PPP1R2: variants seen among roughly 807,000 people sequenced by gnomAD.
The protein encoded by PPP1R2 is protein phosphatase 1 regulatory inhibitor subunit 2.
In PPP1R2, 16 loss-of-function variants were observed where a neutral mutation model predicts 29.9. The observed-to-expected ratio is 0.53, with a 90% CI of 0.36 to 0.81. The LOEUF (loss-of-function observed/expected upper bound fraction) is 0.81. Ranked by LOEUF, PPP1R2 falls within the 30% of genes least tolerant of loss-of-function variation. PPP1R2 has a pLI of 0.00. For synonymous variants in PPP1R2, 76 were observed against 91.5 expected, an observed-to-expected ratio of 0.83 and a Z score of 0.96; for missense variants, 197 against 252.7, an observed-to-expected ratio of 0.78 and a Z score of 1.49.
chr3:195,523,666 T>C (rs950288636), intron 4 of PPP1R2, 26 bp downstream of exon 4: 2 of 1,570,284 alleles, frequency 1.3e-6, no homozygotes, highest in African/African-American at 1.4e-5. Flanking sequence ...AGCACCATGA[T>C]GAAAGCAGTA....
intron 1 of PPP1R2, among the ~76,000 whole-genome samples, chr3:195,532,116 G>A (rs752397203): frequency 2.0e-5 from 3 of 151,704 alleles, no homozygotes; most frequent in East Asian, 1.9e-4. Flanking sequence ...CTGCAGTCTC[G>A]AACTCCTGGA....
Position 195,523,730 on chromosome 3 carries a change from C to A in PPP1R2, c.365G>T (p.Ser122Ile). ...TGAGAGGTCACTATCCTCCTCTCCA[C>A]TGCTTTCTTGTTCCTGAATCCGATA... is the stretch of plus-strand genomic sequence containing the variant. ...PKYRIQEQES[S>I]GEEDSDLSPE... The change falls in exon 4 of 6, where the codon AGT (serine) becomes ATT (isoleucine). Residue 122 changes from serine (S) to isoleucine (I), a missense_variant. Physicochemically the swap from Ser to Ile is moderately radical, Grantham distance 142. This residue lies in a region of PPP1R2 where 135 missense variants were observed against 163.0 expected (regional missense o/e 0.83). Coordinates refer to ENST00000618156, the MANE Select transcript of PPP1R2 (RefSeq NM_006241.8). 1.2e-6 allele frequency: 2 copies of A among 1,614,180 alleles called. No individual in the cohort carries two copies. Among genetic ancestry groups the A allele is most frequent in the Non-Finnish European group, 1.7e-6 (2 of 1,180,034 alleles).
intron 5 of PPP1R2, 121 bp from the exon 6 acceptor site, chr3:195,517,063 A>T: frequency 1.3e-6 from 1 of 750,334 alleles, no homozygotes. Flanking sequence ...AATAAGGTAT[A>T]TTTCATGTAG....
chr3:195,521,878 T>C (rs892727460), intron 4 of PPP1R2, among the ~76,000 whole-genome samples: 5 of 152,122 alleles, frequency 3.3e-5, no homozygotes, highest in African/African-American at 1.2e-4. Context: ...CTCAAACTCC[T>C]GGCCTCAAGA....
rs1020763156 is a variant in PPP1R2, at chr3:195,516,857, T to C, written c.*39A>G. 4.4e-6 allele frequency: 7 copies of C among 1,576,056 alleles called. No individual in the cohort carries two copies. The Admixed American group carries it at 8.4e-5, about 19-fold the overall frequency. ...AGCAACGTACTATAGTCACAGGGTT[T>C]ACATCTAACAAACAATTGCAGTGTT... On this transcript the variant is annotated 3_prime_UTR_variant, in exon 6 of 6. Transcript: ENST00000618156.
At chr3:195,527,297 A>C (rs1267585405) in intron 2 of PPP1R2, among the ~76,000 whole-genome samples, 2 of 151,632 alleles carry the variant, frequency 1.3e-5, no homozygotes, top group Non-Finnish European at 2.9e-5. Flanking sequence ...TAAAAATACA[A>C]AAACTAGCCA....
At chr3:195,536,400 A>C (rs1467854376) in intron 1 of PPP1R2, among the ~76,000 whole-genome samples, 2 of 152,118 alleles carry the variant, frequency 1.3e-5, no homozygotes, top group African/African-American at 4.8e-5. Flanking sequence ...ATTTATACTT[A>C]ATATGCTTTT....
rs1719674655 is a variant in PPP1R2, at chr3:195,543,225, T to G, written c.-200A>C. ...GACGCCAGAGCCAACGCCGAACGGG[T>G]GGCGGCTACTCGCGCACCCTTAGCC... On this transcript the variant is annotated 5_prime_UTR_variant, in exon 1 of 6. Coordinates refer to ENST00000618156, the MANE Select transcript of PPP1R2 (RefSeq NM_006241.8). 1.9e-5 allele frequency: 13 copies of G among 667,546 alleles called. No individual in the cohort carries two copies. In the South Asian group the frequency reaches 2.9e-4, roughly 15 times the overall value. The allele number at this position is 667,546 out of a possible 1,614,324, so 41.4% of individuals were successfully genotyped here.
chr3:195,527,714 AT>A (rs1719023827), intron 2 of PPP1R2: 1 of 167,308 alleles, frequency 6.0e-6, no homozygotes, highest in African/African-American at 2.4e-5. Context: ...TTTAATATAC[AT>A]TTTAGAAGTT....
chr3:195,534,689 G>T (rs1560442648), intron 1 of PPP1R2, among the ~76,000 whole-genome samples: 1 of 151,932 alleles, frequency 6.6e-6, no homozygotes, highest in Non-Finnish European at 1.5e-5. Flanking sequence ...TGCCAATACA[G>T]AACTGCTTTT....
rs1031197886 is a variant in PPP1R2, at chr3:195,515,236, C to G, written c.*1660G>C. ...CCTAGCTGAAATGTTTAGAATACTG[C>G]ACTCACAGTTCAGCAGTACTTTGAT... is the stretch of plus-strand genomic sequence containing the variant. On this transcript the variant is annotated 3_prime_UTR_variant, in exon 6 of 6. Coordinates refer to ENST00000618156, the MANE Select transcript of PPP1R2 (RefSeq NM_006241.8). 6.4e-6 allele frequency: 1 copy of G among 157,270 alleles called. No homozygotes were observed. Among genetic ancestry groups the G allele is most frequent in the African/African-American group, 2.4e-5 (1 of 41,448 alleles). 9.7% of individuals were successfully genotyped at this position (157,270 alleles called of 1,614,324 possible). A position where few individuals can be genotyped will look rare whatever the true frequency, so the allele number is the denominator to read the frequency against.
intron 1 of PPP1R2, among the ~76,000 whole-genome samples, chr3:195,533,888 G>T (rs929067093): frequency 6.6e-6 from 1 of 152,170 alleles, no homozygotes; most frequent in African/African-American, 2.4e-5. Context: ...TAAAGTTGGA[G>T]AATTTAATGC....
intron 4 of PPP1R2, among the ~76,000 whole-genome samples, chr3:195,522,645 T>C (rs373078994): frequency 1.1e-4 from 16 of 152,358 alleles, no homozygotes; most frequent in African/African-American, 3.8e-4. Context: ...TCACTGAAAG[T>C]TGAGATACAA....
rs771799235 is a variant in PPP1R2 at position 195,527,950 on chromosome 3, G to GTT, written c.230+1843_230+1844insAA. On this transcript the variant is annotated intron_variant, in intron 2 of 5. Transcript: ENST00000618156. The stretch of plus-strand genomic sequence containing the variant: ...GAATATAAACCTCTTTTTAGCATGC[G>GTT]TATTTTTTTTTAACTAATTGTAATT... The GTT allele has an allele frequency of 6.4e-6, 2 of 313,020 alleles. 1 individual carries two copies. Among genetic ancestry groups the GTT allele is most frequent in the African/African-American group, 4.5e-5 (2 of 44,376 alleles). The allele number at this position is 313,020 out of a possible 1,614,324, so 19.4% of individuals were successfully genotyped here. A position where few individuals can be genotyped will look rare whatever the true frequency, so the allele number is the denominator to read the frequency against.
intron 4 of PPP1R2, among the ~76,000 whole-genome samples, chr3:195,521,261 G>GCGAAGA: frequency 1.5e-5 from 2 of 130,992 alleles, no homozygotes; most frequent in Middle Eastern, 0.012. Flanking sequence ...GTTGCAGTGA[G>GCGAAGA]CGAAGATCGC....
intron 2 of PPP1R2, 145 bp from the exon 3 acceptor site, chr3:195,525,041 A>C (rs1274145783): frequency 1.9e-5 from 13 of 669,016 alleles, no homozygotes; most frequent in African/African-American, 5.4e-5. Context: ...AACTTTATAT[A>C]GTTCCTATTC....
rs1284214684 is a variant in PPP1R2, at chr3:195,519,920, A to T, written c.404-735T>A. Among the ~76,000 whole-genome samples, 4 of 6,604 alleles carry T rather than the reference A, an allele frequency of 6.1e-4. No homozygotes were observed. In the East Asian group the frequency reaches 0.33, roughly 550 times the overall value. 4.3% of individuals were successfully genotyped at this position (6,604 alleles called of 152,430 possible). A position where few individuals can be genotyped will look rare whatever the true frequency, so the allele number is the denominator to read the frequency against. On this transcript the variant is annotated intron_variant, in intron 4 of 5. Transcript: ENST00000618156. ...TAACTTCCTTAGATCAGAAAATTAA[A>T]AAAAAAAAAAAACAACAGAAAAGGG...
At chr3:195,519,214 A>G in intron 4 of PPP1R2, 29 bp from the exon 5 acceptor site, 2 of 1,526,084 alleles carry the variant, frequency 1.3e-6, no homozygotes, top group Non-Finnish European at 1.8e-6. Context: ...AAACTTAGGA[A>G]GTTTGAGCTC....
At chr3:195,534,326 G>GA (rs1355427257) in intron 1 of PPP1R2, among the ~76,000 whole-genome samples, 2 of 151,926 alleles carry the variant, frequency 1.3e-5, no homozygotes, top group Non-Finnish European at 2.9e-5. Context: ...AGACTGTCCA[G>GA]AAAAAGAAAA....
Sources: allele counts gnomAD v4.1 joint callset (sites outside exome capture counted in the v4.1 genomes callset), GRCh38; gene constraint gnomAD v4.1.1; regional missense constraint gnomAD v4.1.1; transcripts MANE v1.5; gene names NCBI Gene and HGNC (gene_info 2026-07-23, HGNC 2026-07-21).